CXCL13: variants seen among roughly 807,000 people sequenced by gnomAD.
The protein encoded by CXCL13 is C-X-C motif chemokine 13.
CXCL13 carries 7 observed loss-of-function variants against 12.2 expected under a neutral mutation model. The ratio of observed to expected loss-of-function variants is 0.57; its 90% CI spans 0.33 to 1.07. CXCL13 has a LOEUF of 1.07. CXCL13 is among the 50% of genes least tolerant of loss of function. The probability of loss-of-function intolerance (pLI) is 0.04; values close to 1 mark genes in which losing one functional copy is unlikely to be tolerated. For synonymous variants in CXCL13, 47 were observed against 42.4 expected, an observed-to-expected ratio of 1.11 and a Z score of -0.42; for missense variants, 113 against 127.4, an observed-to-expected ratio of 0.89 and a Z score of 0.55.
chr4:77,598,730 A>G (rs1297732572), intron 1 of CXCL13, among the ~76,000 whole-genome samples: 5 of 152,316 alleles, frequency 3.3e-5, no homozygotes, highest in African/African-American at 1.2e-4. Flanking sequence ...CATAGTGAAC[A>G]CATTCTACAG....
At chr4:77,576,231 A>G (rs1349221888) in intron 1 of CXCL13, among the ~76,000 whole-genome samples, 1 of 149,484 alleles carries the variant, frequency 6.7e-6, no homozygotes, top group Non-Finnish European at 1.5e-5. Flanking sequence ...GGACTGAACC[A>G]ATAGAAAACT....
intron 1 of CXCL13, among the ~76,000 whole-genome samples, chr4:77,534,630 AAAAAT>A (rs1725015281): frequency 6.6e-6 from 1 of 152,220 alleles, no homozygotes; most frequent in African/African-American, 2.4e-5. Context: ...ACAATGATCT[AAAAAT>A]AAAGTTTAAT....
intron 1 of CXCL13, among the ~76,000 whole-genome samples, chr4:77,527,457 C>G (rs914340185): frequency 6.6e-6 from 1 of 151,892 alleles, no homozygotes; most frequent in Non-Finnish European, 1.5e-5. Flanking sequence ...CATGGTGAAA[C>G]CCCATCTCTA....
Position 77,513,827 on chromosome 4 carries a change from T to C in CXCL13, c.-43+2039T>C, listed in dbSNP as rs866985914. On this transcript the variant is annotated intron_variant, in intron 1 of 4. Transcript: ENST00000286758. Reference sequence around the variant, plus strand: ...CTCTTTTTTTTTTTTTTTTATACTTTAAGTTTTAGGGTACATGTGCACAAT... The same window carrying C: ...CTCTTTTTTTTTTTTTTTTATACTTCAAGTTTTAGGGTACATGTGCACAAT... Among the ~76,000 whole-genome samples the C allele has an allele frequency of 2.6e-5, 4 of 151,200 alleles. No homozygotes were observed. In the South Asian group the frequency reaches 8.3e-4, roughly 32 times the overall value.
intron 1 of CXCL13, among the ~76,000 whole-genome samples, chr4:77,533,849 TCTC>T (rs1560517814): frequency 1.3e-5 from 2 of 152,176 alleles, no homozygotes; most frequent in Admixed American, 1.3e-4. Context: ...CGGGATATAA[TCTC>T]CTGGTGTGCC....
At chr4:77,542,412 C>G (rs1349188355) in intron 1 of CXCL13, among the ~76,000 whole-genome samples, 6 of 152,000 alleles carry the variant, frequency 3.9e-5, no homozygotes, top group Non-Finnish European at 5.9e-5. Flanking sequence ...AAGGTTTCTA[C>G]TCTGAAGGGA....
intron 1 of CXCL13, among the ~76,000 whole-genome samples, chr4:77,560,735 C>T (rs573891213): frequency 9.8e-5 from 15 of 152,310 alleles, no homozygotes; most frequent in South Asian, 8.3e-4. Context: ...ACATCACGCA[C>T]GGTCTTTCAC....
chr4:77,609,299 G>T (rs1372937054), intron 2 of CXCL13, among the ~76,000 whole-genome samples: 1 of 150,172 alleles, frequency 6.7e-6, no homozygotes, highest in Admixed American at 6.6e-5. Context: ...TTGTGTTTTG[G>T]GTTTTTTTTT....
intron 1 of CXCL13, among the ~76,000 whole-genome samples, chr4:77,579,639 C>T (rs1444715716): frequency 6.6e-6 from 1 of 152,122 alleles, no homozygotes; most frequent in African/African-American, 2.4e-5. Context: ...GTCTCCCTGG[C>T]ATGCTGTTAA....
At chr4:77,564,647 C>A (rs1725881868) in intron 1 of CXCL13, among the ~76,000 whole-genome samples, 1 of 152,172 alleles carries the variant, frequency 6.6e-6, no homozygotes, top group Non-Finnish European at 1.5e-5. Flanking sequence ...AAAGCTAGGA[C>A]AAAATAAGAT....
intron 1 of CXCL13, among the ~76,000 whole-genome samples, chr4:77,569,760 A>T (rs1726022400): frequency 6.6e-6 from 1 of 152,234 alleles, no homozygotes; most frequent in Non-Finnish European, 1.5e-5. Context: ...TTCTTCACAG[A>T]ACTAGAAAAA....
intron 1 of CXCL13, among the ~76,000 whole-genome samples, chr4:77,518,885 C>T (rs576598589): frequency 2.6e-5 from 4 of 152,222 alleles, no homozygotes; most frequent in Non-Finnish European, 4.4e-5. Context: ...TTAGAGTTTC[C>T]AGTGTTTCTG....
chr4:77,586,307 TA>T (rs898832810), intron 1 of CXCL13, among the ~76,000 whole-genome samples: 1 of 152,024 alleles, frequency 6.6e-6, no homozygotes, highest in African/African-American at 2.4e-5. Flanking sequence ...AAATCACATG[TA>T]AAAAATATTT....
intron 1 of CXCL13, among the ~76,000 whole-genome samples, chr4:77,536,150 G>A (rs936044521): frequency 6.6e-6 from 1 of 152,110 alleles, no homozygotes; most frequent in Non-Finnish European, 1.5e-5. Flanking sequence ...GCTTTTGGGG[G>A]CAGGAAATAG....
chr4:77,543,545 T>C (rs1343590644), intron 1 of CXCL13, among the ~76,000 whole-genome samples: 1 of 152,294 alleles, frequency 6.6e-6, no homozygotes, highest in South Asian at 2.1e-4. Context: ...GAGATTTTCA[T>C]TGTGTCTCTG....
intron 1 of CXCL13, among the ~76,000 whole-genome samples, chr4:77,548,333 T>TTTTTTTACAAAAATGA (rs1725426258): frequency 6.6e-6 from 1 of 152,220 alleles, no homozygotes; most frequent in Admixed American, 6.5e-5. Flanking sequence ...GACTGCAGTA[T>TTTTTTTACAAAAATGA]CTTCAACACA....
chr4:77,611,114 A>G lies in CXCL13; in HGVS notation c.*75A>G, dbSNP rs1261561113. On this transcript the variant is annotated 3_prime_UTR_variant, in exon 4 of 4. Transcript: ENST00000682537. The stretch of plus-strand genomic sequence containing the variant: ...TGGATTTTAGTTTTGTGCTTAGTTA[A>G]ATCTTTTCCAGGAAAAAGAACTTCC... 1.6e-6 allele frequency: 2 copies of G among 1,252,206 alleles called. No individual in the cohort carries two copies. The highest frequency in any genetic ancestry group is 4.7e-5 in the East Asian group (2 of 42,974). 77.6% of individuals were successfully genotyped at this position (1,252,206 alleles called of 1,614,324 possible).
intron 1 of CXCL13, among the ~76,000 whole-genome samples, chr4:77,562,341 G>A (rs1725836020): frequency 6.6e-6 from 1 of 152,100 alleles, no homozygotes; most frequent in African/African-American, 2.4e-5. Context: ...CAAGGCACGG[G>A]ATTGGCAGGA....
chr4:77,544,319 CA>C (rs1454579215), intron 1 of CXCL13, among the ~76,000 whole-genome samples: 10 of 152,132 alleles, frequency 6.6e-5, no homozygotes, highest in African/African-American at 2.4e-4. Context: ...GAGGAATCAC[CA>C]CACTGTCTTC....
Sources: allele counts gnomAD v4.1 joint callset (sites outside exome capture counted in the v4.1 genomes callset), GRCh38; gene constraint gnomAD v4.1.1; transcripts MANE v1.5; gene names NCBI Gene and HGNC (gene_info 2026-07-23, HGNC 2026-07-21).